The following ZBTB20 variants were observed in gnomAD, a reference collection of about 807,000 sequenced individuals.
The protein encoded by ZBTB20 is zinc finger and BTB domain containing 20.
Under a neutral mutation model 56.9 loss-of-function variants are expected in ZBTB20, and 9 were observed. That is an observed-to-expected ratio of 0.16 (90% confidence interval 0.10 to 0.28). ZBTB20 has a LOEUF of 0.28. Ranked by LOEUF, ZBTB20 falls within the 10% of genes least tolerant of loss-of-function variation. ZBTB20 has a pLI of 1.00. For missense variants in ZBTB20, 655 were observed against 1,003.0 expected, an observed-to-expected ratio of 0.65 and a Z score of 4.69; for synonymous variants, 417 against 420.7, an observed-to-expected ratio of 0.99 and a Z score of 0.11.
At chr3:114,654,169 C>T (rs1282531618) in intron 6 of ZBTB20, among the ~76,000 whole-genome samples, 1 of 151,368 alleles carries the variant, frequency 6.6e-6, no homozygotes, top group East Asian at 1.9e-4. Context: ...TTATACTTTC[C>T]CACTTTCTTA....
intron 7 of ZBTB20, among the ~76,000 whole-genome samples, chr3:114,495,657 G>C (rs1305121375): frequency 6.6e-6 from 1 of 151,942 alleles, no homozygotes; most frequent in Non-Finnish European, 1.5e-5. Context: ...TAGTCGATTG[G>C]TGTTCAGAGT....
At chr3:114,831,339 T>A (rs2073834424) in intron 4 of ZBTB20, among the ~76,000 whole-genome samples, 1 of 151,858 alleles carries the variant, frequency 6.6e-6, no homozygotes, top group Non-Finnish European at 1.5e-5. Flanking sequence ...GCTTTACCAA[T>A]TAATGGCTCG....
At chr3:115,070,347 G>C (rs1560545521) in intron 2 of ZBTB20, among the ~76,000 whole-genome samples, 1 of 152,020 alleles carries the variant, frequency 6.6e-6, no homozygotes, top group African/African-American at 2.4e-5. Flanking sequence ...TATTTTATCA[G>C]TTTGCATAAT....
At chr3:115,043,879 G>T (rs1360877336) in intron 2 of ZBTB20, among the ~76,000 whole-genome samples, 2 of 152,080 alleles carry the variant, frequency 1.3e-5, no homozygotes, top group Admixed American at 1.3e-4. Flanking sequence ...GGAGGTGTTT[G>T]GATCATGGGG....
At chr3:115,056,588 T>C (rs1005754581) in intron 2 of ZBTB20, among the ~76,000 whole-genome samples, 2 of 152,164 alleles carry the variant, frequency 1.3e-5, no homozygotes, top group African/African-American at 4.8e-5. Context: ...TATGTTGCCA[T>C]TTTTGTATTT....
chr3:114,407,247 G>C (rs2108745553), intron 7 of ZBTB20, among the ~76,000 whole-genome samples: 1 of 152,308 alleles, frequency 6.6e-6, no homozygotes, highest in African/African-American at 2.4e-5. Flanking sequence ...GGGTTTGGTA[G>C]AAGATTTGGG....
chr3:114,791,845 C>T (rs2070981070), intron 5 of ZBTB20: 2 of 152,046 alleles, frequency 1.3e-5, no homozygotes, highest in South Asian at 4.2e-4. Context: ...AAGGTTATAA[C>T]TGAGAATTCG....
chr3:114,519,404 C>T (rs1274626059), intron 6 of ZBTB20, among the ~76,000 whole-genome samples: 1 of 152,186 alleles, frequency 6.6e-6, no homozygotes, highest in African/African-American at 2.4e-5. Context: ...ATGACTCTAG[C>T]TTTATTCATG....
intron 2 of ZBTB20, among the ~76,000 whole-genome samples, chr3:115,005,966 C>T (rs757497177): frequency 6.6e-6 from 1 of 151,774 alleles, no homozygotes; most frequent in African/African-American, 2.4e-5. Context: ...ATTCTACCCA[C>T]GTTAATGTCC....
At chr3:114,373,860 A>AT (rs1560157569) in intron 10 of ZBTB20, among the ~76,000 whole-genome samples, 1 of 152,202 alleles carries the variant, frequency 6.6e-6, no homozygotes, top group Admixed American at 6.5e-5. Context: ...TTAAGTGACT[A>AT]TGGAAGAAAC....
intron 7 of ZBTB20, among the ~76,000 whole-genome samples, chr3:114,437,498 G>A (rs2090599276): frequency 6.6e-6 from 1 of 152,088 alleles, no homozygotes; most frequent in Admixed American, 6.6e-5. Context: ...GAAGGAGGAG[G>A]AAGAGGTAGA....
chr3:114,402,693 T>G (rs957300026), intron 7 of ZBTB20, among the ~76,000 whole-genome samples: 9 of 152,150 alleles, frequency 5.9e-5, no homozygotes, highest in African/African-American at 2.2e-4. Flanking sequence ...TGAATTAAAT[T>G]GTTCGTAGAG....
chr3:115,091,017 G>C (rs1320309941), intron 1 of ZBTB20, among the ~76,000 whole-genome samples: 1 of 151,854 alleles, frequency 6.6e-6, no homozygotes, highest in Non-Finnish European at 1.5e-5. Flanking sequence ...CTACCAACCT[G>C]TGGGTTCATC....
At chr3:114,884,465 T>C (rs2076530460) in intron 4 of ZBTB20, among the ~76,000 whole-genome samples, 1 of 152,190 alleles carries the variant, frequency 6.6e-6, no homozygotes, top group Admixed American at 6.5e-5. Context: ...GTAATACTGT[T>C]ATCTGGTATA....
chr3:114,468,062 ATTTT>A (rs1386165068), intron 7 of ZBTB20, among the ~76,000 whole-genome samples: 1 of 152,062 alleles, frequency 6.6e-6, no homozygotes, highest in African/African-American at 2.4e-5. Flanking sequence ...CTGTTCCAAG[ATTTT>A]TTTTAAAGTT....
intron 6 of ZBTB20, chr3:114,502,919 A>G (rs551900980): frequency 1.3e-5 from 2 of 152,242 alleles, no homozygotes; most frequent in East Asian, 1.9e-4. Context: ...ATGTTCAATG[A>G]TCATTTTTCT....
intron 2 of ZBTB20, among the ~76,000 whole-genome samples, chr3:115,035,817 T>C (rs1345104947): frequency 6.6e-6 from 1 of 152,142 alleles, no homozygotes; most frequent in Non-Finnish European, 1.5e-5. Flanking sequence ...ATGGAAGCAA[T>C]TCAAGTGTCT....
rs771234012 is a variant in ZBTB20, at chr3:114,339,097, C to T, written c.2134G>A (p.Gly712Arg). 2 of 1,598,314 alleles carry T rather than the reference C, an allele frequency of 1.3e-6. No individual in the cohort carries two copies. The highest frequency in any genetic ancestry group is 1.7e-5 in the Admixed American group (1 of 59,120). The change falls in exon 12 of 12, where the codon GGG becomes AGG. Residue 712 changes from glycine (G) to arginine (R), a missense_variant. Gly to Arg is a moderately radical substitution (Grantham distance 125). Coordinates refer to ENST00000675478, the MANE Select transcript of ZBTB20 (RefSeq NM_001348800.3). This position sits in a 1 kb window ranked among gnomAD's most constrained non-coding sequence, Gnocchi z 4.2. ...CAGACGGAGCAGACGTAAGTGGTCC[C>T]CTCCGTGCAGGCCACCACGCCTGGG... The part of the protein sequence containing the change: ...GPPGVVACTE[G>R]TTYVCSVCPA...
chr3:114,476,342 ATTC>A (rs549711241), intron 7 of ZBTB20, among the ~76,000 whole-genome samples: 3 of 152,262 alleles, frequency 2.0e-5, no homozygotes, highest in Non-Finnish European at 4.4e-5. Context: ...TCACTATGAT[ATTC>A]TTCCTACTTT....
Sources: allele counts gnomAD v4.1 joint callset (sites outside exome capture counted in the v4.1 genomes callset), GRCh38; gene constraint gnomAD v4.1.1; non-coding constraint Gnocchi (gnomAD v3.1); transcripts MANE v1.5; gene names NCBI Gene and HGNC (gene_info 2026-07-23, HGNC 2026-07-21).